Variants in SCTR observed in about 807,000 individuals in gnomAD.
The protein encoded by SCTR is secretin receptor.
A neutral mutation model predicts 60.8 loss-of-function variants in SCTR; 56 were observed. The ratio of observed to expected loss-of-function variants is 0.92; its 90% CI spans 0.74 to 1.15. The LOEUF is 1.15. SCTR is among the 50% of genes most tolerant of loss of function. SCTR has a pLI of 0.00. For synonymous variants in SCTR, 202 were observed against 217.0 expected, an observed-to-expected ratio of 0.93 and a Z score of 0.61; for missense variants, 562 against 550.4, an observed-to-expected ratio of 1.02 and a Z score of -0.21.
At chr2:119,512,023 T>A (rs1678961740) in intron 1 of SCTR, among the ~76,000 whole-genome samples, 1 of 152,198 alleles carries the variant, frequency 6.6e-6, no homozygotes, top group Admixed American at 6.5e-5. Flanking sequence ...ATGTAAGATT[T>A]TTCTTTGTTC....
In SCTR at chr2:119,439,956, G is replaced by T; in HGVS notation, c.*161C>A. On this transcript the variant is annotated 3_prime_UTR_variant, in exon 13 of 13. Transcript: ENST00000019103. Reference sequence around the variant, plus strand: ...CCAGGCCCTTGTCCTGCCCCACAGTGCCTCACATCCCTTCGGAAGAGTCCA... The same window carrying T: ...CCAGGCCCTTGTCCTGCCCCACAGTTCCTCACATCCCTTCGGAAGAGTCCA... The T allele has an allele frequency of 1.4e-6, 1 of 701,136 alleles. No individual in the cohort carries two copies. Among genetic ancestry groups the T allele is most frequent in the Non-Finnish European group, 2.3e-6 (1 of 435,836 alleles). The allele number at this position is 701,136 out of a possible 1,614,324, so 43.4% of individuals were successfully genotyped here. A position where few individuals can be genotyped will look rare whatever the true frequency, so the allele number is the denominator to read the frequency against.
intron 7 of SCTR, among the ~76,000 whole-genome samples, chr2:119,456,280 G>T (rs56891690): frequency 5.9e-5 from 9 of 151,846 alleles, no homozygotes; most frequent in African/African-American, 2.2e-4. Context: ...GGATGGTCTC[G>T]AACTCCTGAC....
At chr2:119,522,424 T>A (rs1325549010) in intron 1 of SCTR, among the ~76,000 whole-genome samples, 1 of 151,578 alleles carries the variant, frequency 6.6e-6, no homozygotes, top group African/African-American at 2.4e-5. Context: ...GTGGGGCGAG[T>A]AGAGCTGCTA....
chr2:119,447,007 C>G (rs1682959272), intron 10 of SCTR, 122 bp from the exon 11 acceptor site: 12 of 1,060,890 alleles, frequency 1.1e-5, no homozygotes. Context: ...TAGCAGTACC[C>G]CAAACTTTTT....
At chr2:119,497,423 A>G (rs1024360984) in intron 1 of SCTR, among the ~76,000 whole-genome samples, 5 of 152,228 alleles carry the variant, frequency 3.3e-5, no homozygotes, top group Non-Finnish European at 7.3e-5. Flanking sequence ...GAAAATGTCT[A>G]TCTTTCATCA....
At chr2:119,503,924 C>T (rs1041987453) in intron 1 of SCTR, among the ~76,000 whole-genome samples, 4 of 152,150 alleles carry the variant, frequency 2.6e-5, no homozygotes, top group Admixed American at 1.3e-4. Context: ...GTACTTTCCA[C>T]TCAATTTTTC....
At chr2:119,496,325 GGTAA>G (rs765464145) in intron 1 of SCTR, among the ~76,000 whole-genome samples, 8 of 152,178 alleles carry the variant, frequency 5.3e-5, no homozygotes, top group Non-Finnish European at 1.0e-4. Flanking sequence ...AATTGTAGAT[GGTAA>G]GTGTCACAGA....
chr2:119,490,738 C>G (rs1212908160), intron 2 of SCTR, among the ~76,000 whole-genome samples: 2 of 152,212 alleles, frequency 1.3e-5, no homozygotes, highest in African/African-American at 2.4e-5. Flanking sequence ...GCAGTGGAAC[C>G]TGCTTGTAAC....
intron 1 of SCTR, among the ~76,000 whole-genome samples, chr2:119,512,496 A>T (rs944476816): frequency 6.8e-5 from 10 of 146,342 alleles, no homozygotes; most frequent in Admixed American, 5.3e-4. Context: ...TCCCAGGCTC[A>T]ACTGATTCTC....
chr2:119,440,640 A>G (rs1213089334), intron 12 of SCTR, among the ~76,000 whole-genome samples: 1 of 152,158 alleles, frequency 6.6e-6, no homozygotes, highest in East Asian at 1.9e-4. Flanking sequence ...GGGCACTGAC[A>G]GGGGCTACTG....
intron 1 of SCTR, among the ~76,000 whole-genome samples, chr2:119,505,025 A>G (rs1480568921): frequency 6.6e-6 from 1 of 152,106 alleles, no homozygotes; most frequent in Non-Finnish European, 1.5e-5. Context: ...AAAAGTCAGG[A>G]AACAACAGGT....
intron 1 of SCTR, among the ~76,000 whole-genome samples, chr2:119,510,593 T>C (rs1419092175): frequency 6.6e-6 from 1 of 152,196 alleles, no homozygotes; most frequent in Non-Finnish European, 1.5e-5. Context: ...ATATTGTATA[T>C]ATTCATTAAA....
intron 2 of SCTR, among the ~76,000 whole-genome samples, chr2:119,482,958 A>G (rs916349793): frequency 6.6e-6 from 1 of 152,204 alleles, no homozygotes; most frequent in East Asian, 1.9e-4. Context: ...CCTCTCTTGC[A>G]TTGGAAGCAG....
chr2:119,487,990 C>T (rs1470253550), intron 2 of SCTR, among the ~76,000 whole-genome samples: 2 of 152,168 alleles, frequency 1.3e-5, no homozygotes, highest in African/African-American at 2.4e-5. Context: ...GCCATTTCTC[C>T]TCTTAGTCTT....
chr2:119,523,641 C>G (rs1266519757), intron 1 of SCTR, among the ~76,000 whole-genome samples: 1 of 151,888 alleles, frequency 6.6e-6, no homozygotes, highest in African/African-American at 2.4e-5. Context: ...GTGAAAATGT[C>G]AAGGTTTGGG....
intron 1 of SCTR, among the ~76,000 whole-genome samples, chr2:119,516,515 G>A (rs1293250766): frequency 6.6e-6 from 1 of 151,676 alleles, no homozygotes. Context: ...TTACAAAGTT[G>A]AATACAAAGC....
rs1196860287 is a variant in SCTR, at chr2:119,524,402, A to G, written c.-176T>C. ...CCCCGGGACTGCTCCTCCTCGGACCAGGTGGCCGCGCGCGCTAAGCCGCCC... is the reference window on the plus strand; with the variant it reads ...CCCCGGGACTGCTCCTCCTCGGACCGGGTGGCCGCGCGCGCTAAGCCGCCC... On this transcript the variant is annotated 5_prime_UTR_variant, in exon 1 of 13. Transcript: ENST00000019103. 1.3e-5 allele frequency: 5 copies of G among 398,928 alleles called. No individual in the cohort carries two copies. The highest frequency in any genetic ancestry group is 2.2e-5 in the Non-Finnish European group (5 of 229,962). The allele number at this position is 398,928 out of a possible 1,614,324, so 24.7% of individuals were successfully genotyped here. A position where few individuals can be genotyped will look rare whatever the true frequency, so the allele number is the denominator to read the frequency against.
intron 1 of SCTR, among the ~76,000 whole-genome samples, chr2:119,520,912 G>A (rs1377269912): frequency 1.3e-5 from 2 of 152,120 alleles, no homozygotes; most frequent in Non-Finnish European, 2.9e-5. Context: ...TTAAGGCAAC[G>A]GTTCTCAAGC....
At chr2:119,452,299 C>T (rs17015962) in intron 8 of SCTR, among the ~76,000 whole-genome samples, 3,128 of 152,316 alleles carry the variant, frequency 0.021, 98 homozygotes, top group African/African-American at 0.072. Flanking sequence ...CTGCGAGAAC[C>T]TGAGAGCCGG....
Sources: allele counts gnomAD v4.1 joint callset (sites outside exome capture counted in the v4.1 genomes callset), GRCh38; gene constraint gnomAD v4.1.1; transcripts MANE v1.5; gene names NCBI Gene and HGNC (gene_info 2026-07-23, HGNC 2026-07-21).